The following ZNF606 variants were observed in gnomAD, a reference collection of about 807,000 sequenced individuals.
ZNF606 encodes the protein zinc finger protein 606, also known as zinc finger protein 328.
Under a neutral mutation model 74.9 loss-of-function variants are expected in ZNF606, and 37 were observed. The ratio of observed to expected loss-of-function variants is 0.49; its 90% CI spans 0.38 to 0.65. ZNF606 has a LOEUF of 0.65. Ranked by LOEUF, ZNF606 falls within the 30% of genes least tolerant of loss-of-function variation. ZNF606 has a pLI of 0.00. For missense variants in ZNF606, 852 were observed against 952.9 expected (o/e 0.89, Z 1.39); for synonymous variants, 328 against 312.4 (o/e 1.05, Z -0.53).
chr19:57,988,417 T>C, intron 5 of ZNF606, 115 bp from the exon 6 acceptor site: 1 of 1,356,986 alleles, frequency 7.4e-7, no homozygotes, highest in Non-Finnish European at 1.0e-6. Context: ...ATATGCAAGG[T>C]CCTTCCCACT....
chr19:57,979,041 T>A lies in ZNF606; in HGVS notation c.1639A>T (p.Lys547Ter). 1 of 1,614,098 alleles carries A rather than the reference T, an allele frequency of 6.2e-7. No individual in the cohort carries two copies. The highest frequency in any genetic ancestry group is 8.5e-7 in the Non-Finnish European group (1 of 1,179,998). Reference sequence around the variant, plus strand: ...AGGGCTGAGTAGTCCCTAAAAGCTTTTTCACATTCATCACATTTAAAGGGT... The same window carrying A: ...AGGGCTGAGTAGTCCCTAAAAGCTTATTCACATTCATCACATTTAAAGGGT... Reference protein sequence around the residue: ...EKPFKCDECEKAFRDYSALSK... With the variant: ...EKPFKCDECE Residue 547 changes from lysine (K) to a stop codon, truncating the protein, a stop_gained, in exon 7 of 7, where the codon AAA (lysine) becomes TAA (stop). Coordinates refer to ENST00000551380, the MANE Select transcript of ZNF606 (RefSeq NM_001348022.3). LOFTEE classifies it high-confidence loss of function.
At chr19:57,988,916 G>A (rs1205091376) in intron 4 of ZNF606, among the ~76,000 whole-genome samples, 195 bp from the exon 5 acceptor site, 1 of 152,076 alleles carries the variant, frequency 6.6e-6, no homozygotes, top group African/African-American at 2.4e-5. Context: ...TATACTCTTA[G>A]GGAATTAGAT....
intron 6 of ZNF606, among the ~76,000 whole-genome samples, chr19:57,985,433 T>C (rs1017425547): frequency 2.6e-5 from 4 of 152,188 alleles, no homozygotes; most frequent in Admixed American, 2.0e-4. Flanking sequence ...AGAACTCTCA[T>C]AGTGTTACAA....
intron 6 of ZNF606, among the ~76,000 whole-genome samples, chr19:57,982,246 G>A (rs117958392): frequency 0.02 from 3,024 of 152,094 alleles, 51 homozygotes; most frequent in Non-Finnish European, 0.034. Context: ...TCCTTGGCTC[G>A]CAGCTCCTTC....
rs757287485 is a variant in ZNF606 at position 57,979,222 on chromosome 19, A to G, written c.1458T>C (p.Cys486=). Residue 486 remains cysteine (C), a synonymous_variant, in exon 7 of 7, where the codon TGT becomes TGC. Transcript: ENST00000551380. ...AGTTGAAAGATTTCCCACACTCATTACAAACATAAGGTTTTTCTCCTGTAT... is the reference window on the plus strand; with the variant it reads ...AGTTGAAAGATTTCCCACACTCATTGCAAACATAAGGTTTTTCTCCTGTAT... ...RIHTGEKPYV[C]NECGKSFNWN... is the part of the protein sequence containing the mutation. 6.2e-7 allele frequency: 1 copy of G among 1,613,784 alleles called. No individual in the cohort carries two copies. The highest frequency in any genetic ancestry group is 1.1e-5 in the South Asian group (1 of 91,028).
Position 58,002,461 on chromosome 19 carries a change from C to T in ZNF606, c.-117G>A, listed in dbSNP as rs1429006022. ...AGGATCGGGGTCTGCCCGCCTGGGG[C>T]GTTTGGCTTTTGTCCCGCGCCGAGG... On this transcript the variant is annotated 5_prime_UTR_variant, in exon 1 of 7. Coordinates refer to ENST00000551380, the MANE Select transcript of ZNF606 (RefSeq NM_001348022.3). 1 of 454,768 alleles carries T rather than the reference C, an allele frequency of 2.2e-6. No individual in the cohort carries two copies. Among genetic ancestry groups the T allele is most frequent in the African/African-American group, 2.0e-5 (1 of 50,016 alleles). The allele number at this position is 454,768 out of a possible 1,614,324, so 28.2% of individuals were successfully genotyped here.
chr19:57,985,938 AAT>A (rs2073157517), intron 6 of ZNF606, among the ~76,000 whole-genome samples: 1 of 151,438 alleles, frequency 6.6e-6, no homozygotes, highest in Non-Finnish European at 1.5e-5. Flanking sequence ...TGTCTCAATA[AAT>A]AAATAAATAA....
intron 6 of ZNF606, among the ~76,000 whole-genome samples, chr19:57,986,809 C>T (rs370901016): frequency 3.5e-4 from 54 of 152,224 alleles, no homozygotes; most frequent in African/African-American, 1.1e-3. Flanking sequence ...TAGGGCCAGG[C>T]GTGGTGGCTC....
intron 4 of ZNF606, among the ~76,000 whole-genome samples, chr19:57,989,519 T>C (rs1222781183): frequency 6.6e-6 from 1 of 151,990 alleles, no homozygotes; most frequent in African/African-American, 2.4e-5. Flanking sequence ...TGATCTCAGC[T>C]CACTACAACC....
At chr19:57,997,488 T>C (rs1046437157) in intron 4 of ZNF606, 8 of 152,254 alleles carry the variant, frequency 5.3e-5, no homozygotes, top group African/African-American at 1.9e-4. Context: ...CCTGAAGATC[T>C]CACTTAGTTA....
At chr19:57,983,692 G>C (rs113940523) in intron 6 of ZNF606, among the ~76,000 whole-genome samples, 1 of 152,148 alleles carries the variant, frequency 6.6e-6, no homozygotes, top group Non-Finnish European at 1.5e-5. Flanking sequence ...TGAAGTGATC[G>C]AGGATGGTTC....
At chr19:57,991,709 G>A (rs1289084520) in intron 4 of ZNF606, among the ~76,000 whole-genome samples, 2 of 152,122 alleles carry the variant, frequency 1.3e-5, no homozygotes, top group African/African-American at 4.8e-5. Context: ...GAACCTGGGA[G>A]GCAAACGTTG....
At chr19:57,988,432 G>A in intron 5 of ZNF606, 130 bp from the exon 6 acceptor site, 1 of 1,366,156 alleles carries the variant, frequency 7.3e-7, no homozygotes, top group South Asian at 1.4e-5. Context: ...CCCACTCCAT[G>A]CTCTTTAAGC....
rs747416589 is a variant in ZNF606, at chr19:57,978,400, T to C, written c.2280A>G (p.Gly760=). The C allele has an allele frequency of 6.2e-7, 1 of 1,613,694 alleles. No homozygotes were observed. The highest frequency in any genetic ancestry group is 1.1e-5 in the South Asian group (1 of 91,060). The change falls in exon 7 of 7, where the codon GGA becomes GGG. Residue 760 remains glycine (G), a synonymous_variant. Transcript: ENST00000551380. The surrounding 1 kb of genome is among the most constrained non-coding windows in gnomAD (Gnocchi z 4.4). ...ATTCACTGCATATAAAGCGTTTCTCTCCACTATGCATTCTCTGATGAATAA... is the reference window on the plus strand; with the variant it reads ...ATTCACTGCATATAAAGCGTTTCTCCCCACTATGCATTCTCTGATGAATAA... The part of the protein sequence containing the change: ...SLIIHQRMHS[G]EKRFICSECG...
Position 57,980,820 on chromosome 19 carries a change from G to A in ZNF606, c.401-541C>T, listed in dbSNP as rs148183216. ...ACTGCACTTCAGCCTGAGCGACAGA[G>A]CGATACACCGTCTCAAAAAAAAAAA... is the stretch of plus-strand genomic sequence containing the variant. On this transcript the variant is annotated intron_variant, in intron 6 of 6. Transcript: ENST00000551380. Among the ~76,000 whole-genome samples the A allele has an allele frequency of 7.4e-4, 96 of 130,344 alleles. 1 individual carries two copies. Among genetic ancestry groups the A allele is most frequent in the African/African-American group, 2.7e-3 (92 of 34,026 alleles). 85.5% of individuals were successfully genotyped at this position (130,344 alleles called of 152,430 possible). A position where few individuals can be genotyped will look rare whatever the true frequency, so the allele number is the denominator to read the frequency against.
intron 4 of ZNF606, among the ~76,000 whole-genome samples, chr19:57,991,458 C>T (rs1024596958): frequency 4.6e-5 from 7 of 152,170 alleles, no homozygotes; most frequent in African/African-American, 1.7e-4. Context: ...CCTCAGTATG[C>T]TTGATGACTA....
At chr19:57,984,990 G>C (rs1205754795) in intron 6 of ZNF606, among the ~76,000 whole-genome samples, 5 of 152,118 alleles carry the variant, frequency 3.3e-5, no homozygotes, top group African/African-American at 7.2e-5. Context: ...ACCTACTAGG[G>C]GGGCTGAGGC....
At chr19:57,981,659 T>A (rs2073087806) in intron 6 of ZNF606, among the ~76,000 whole-genome samples, 1 of 152,206 alleles carries the variant, frequency 6.6e-6, no homozygotes, top group African/African-American at 2.4e-5. Flanking sequence ...CAGGATGTTA[T>A]CTATGACAAA....
chr19:57,999,673 T>A, intron 4 of ZNF606, 135 bp downstream of exon 4: 1 of 872,646 alleles, frequency 1.1e-6, no homozygotes, highest in Non-Finnish European at 1.8e-6. Context: ...CTACCTGCTC[T>A]CAGGAAGGAT....
Sources: gnomAD v4.1 joint callset for allele counts (sites outside exome capture counted in the v4.1 genomes callset) on GRCh38, gnomAD v4.1.1 for gene constraint, Gnocchi (gnomAD v3.1) non-coding constraint, MANE v1.5 for transcripts, NCBI Gene and HGNC (gene_info 2026-07-23, HGNC 2026-07-21) for gene names.